Variants in TRAPPC9 observed in about 807,000 individuals in gnomAD.
TRAPPC9 encodes the protein IKK2 binding protein.
Under a neutral mutation model 124.0 loss-of-function variants are expected in TRAPPC9, and 83 were observed. The ratio of observed to expected loss-of-function variants is 0.67; its 90% CI spans 0.56 to 0.80. The LOEUF is 0.80. TRAPPC9 is among the 30% of genes least tolerant of loss of function. The pLI, the probability that TRAPPC9 is intolerant of heterozygous loss-of-function variation, is 0.00. For synonymous variants in TRAPPC9, 638 were observed against 617.5 expected, an observed-to-expected ratio of 1.03 and a Z score of -0.49; for missense variants, 1,302 against 1,508.3, an observed-to-expected ratio of 0.86 and a Z score of 2.27.
chr8:139,964,746 T>C (rs953185224), intron 19 of TRAPPC9, among the ~76,000 whole-genome samples: 10 of 152,158 alleles, frequency 6.6e-5, no homozygotes, highest in Non-Finnish European at 1.2e-4. Context: ...CAACACTGTA[T>C]ACCTTTGAGT....
At chr8:140,325,574 T>A (rs1219784148) in intron 9 of TRAPPC9, among the ~76,000 whole-genome samples, 1 of 152,180 alleles carries the variant, frequency 6.6e-6, no homozygotes, top group Non-Finnish European at 1.5e-5. Context: ...AAGAAAAAAT[T>A]GACAATCTTA....
At chr8:140,020,583 G>A (rs1446617744) in intron 18 of TRAPPC9, among the ~76,000 whole-genome samples, 5 of 152,008 alleles carry the variant, frequency 3.3e-5, no homozygotes. Flanking sequence ...CTATGATGGT[G>A]CCAGTGCATT....
intron 9 of TRAPPC9, among the ~76,000 whole-genome samples, chr8:140,329,314 C>A (rs2066831196): frequency 6.6e-6 from 1 of 152,130 alleles, no homozygotes; most frequent in African/African-American, 2.4e-5. Context: ...GATCACCATA[C>A]GTGAGAGTTA....
rs547329170 is a variant in TRAPPC9, at chr8:139,985,920, T to C, written c.2810+2806A>G. On this transcript the variant is annotated intron_variant, in intron 19 of 22. Transcript: ENST00000438773. ...TGATTTTTAAAGTTTTAAAAGGACA[T>C]ATATGATATGGAACCACTTATGCCA... Among the ~76,000 whole-genome samples the C allele has an allele frequency of 2.6e-5, 4 of 152,308 alleles. No individual in the cohort carries two copies. In the East Asian group the frequency reaches 7.7e-4, roughly 29 times the overall value.
chr8:139,996,910 T>C (rs1032790957), intron 18 of TRAPPC9, among the ~76,000 whole-genome samples: 1 of 152,050 alleles, frequency 6.6e-6, no homozygotes, highest in African/African-American at 2.4e-5. Context: ...AGGCTAAACA[T>C]TTTTTATGGT....
At chr8:140,373,748 T>G (rs2068351636) in intron 7 of TRAPPC9, among the ~76,000 whole-genome samples, 1 of 152,376 alleles carries the variant, frequency 6.6e-6, no homozygotes, top group Non-Finnish European at 1.5e-5. Flanking sequence ...TTGTGGTGGC[T>G]TTAACTTCCA....
chr8:140,018,763 CAT>C (rs552646031), intron 18 of TRAPPC9, among the ~76,000 whole-genome samples: 37 of 152,290 alleles, frequency 2.4e-4, no homozygotes, highest in African/African-American at 8.4e-4. Flanking sequence ...CAAAGAAAGA[CAT>C]GTGAATAATA....
At chr8:140,009,698 G>A (rs901875413) in intron 18 of TRAPPC9, among the ~76,000 whole-genome samples, 98 of 152,298 alleles carry the variant, frequency 6.4e-4, no homozygotes, top group African/African-American at 2.2e-3. Flanking sequence ...TCCCGCCCGT[G>A]GCGCAACAGC....
chr8:139,913,471 T>C (rs1470534136), intron 19 of TRAPPC9, among the ~76,000 whole-genome samples: 1 of 152,224 alleles, frequency 6.6e-6, no homozygotes, highest in Non-Finnish European at 1.5e-5. Flanking sequence ...GTGTTTTGTC[T>C]TGAGCTTTAC....
chr8:140,326,197 T>A (rs1331873448), intron 9 of TRAPPC9, among the ~76,000 whole-genome samples: 2 of 144,562 alleles, frequency 1.4e-5, no homozygotes, highest in Non-Finnish European at 1.5e-5. Flanking sequence ...CCATCCTGGC[T>A]AACACAGTGA....
chr8:140,446,969 CACA>C (rs2071284032), intron 2 of TRAPPC9, among the ~76,000 whole-genome samples: 1 of 152,206 alleles, frequency 6.6e-6, no homozygotes, highest in African/African-American at 2.4e-5. Context: ...TGGCCACCAG[CACA>C]CTCCAGCTCC....
chr8:140,458,327 T>A, upstream of TRAPPC9: 1 of 1,577,690 alleles, frequency 6.3e-7, no homozygotes, highest in Non-Finnish European at 8.6e-7. Context: ...TCTGTGAAGC[T>A]CAGGGGTGGA....
rs1229035692 is a variant in TRAPPC9, at chr8:140,292,356, C to A, written c.1769-1278G>T. ...ATAAATTGGCCCAGGAACCACACAG[C>A]AAGCGAGAGGAGCTGCTGGATTCAG... On this transcript the variant is annotated intron_variant, in intron 11 of 22. Coordinates refer to ENST00000438773, the MANE Select transcript of TRAPPC9 (RefSeq NM_001160372.4). 7.9e-5 allele frequency among the ~76,000 whole-genome samples: 12 copies of A among 152,200 alleles called. No individual in the cohort carries two copies. In the South Asian group the frequency reaches 2.5e-3, roughly 31 times the overall value.
intron 19 of TRAPPC9, among the ~76,000 whole-genome samples, chr8:139,924,073 C>T (rs1194295655): frequency 2.6e-5 from 4 of 152,094 alleles, no homozygotes. Flanking sequence ...TCCCAGGCCC[C>T]AGAGCTCAGT....
rs533538682 is a variant in TRAPPC9, at chr8:140,410,859, A to G, written c.887-5161T>C. ...CTGTCTCAAAAAAAAAAAAAATTAT[A>G]TAGATTTAGAAATATAAAACAGCAA... On this transcript the variant is annotated intron_variant, in intron 5 of 22. Transcript: ENST00000438773. 2.0e-5 allele frequency among the ~76,000 whole-genome samples: 3 copies of G among 151,946 alleles called. No individual in the cohort carries two copies. In the South Asian group the frequency reaches 6.2e-4, roughly 31 times the overall value.
intron 17 of TRAPPC9, among the ~76,000 whole-genome samples, chr8:140,143,487 A>G (rs1033385745): frequency 6.6e-6 from 1 of 152,244 alleles, no homozygotes; most frequent in African/African-American, 2.4e-5. Context: ...TGCGTAACAC[A>G]TGTAACTTGC....
intron 17 of TRAPPC9, among the ~76,000 whole-genome samples, chr8:140,068,134 G>T (rs1038241854): frequency 6.6e-6 from 1 of 152,140 alleles, no homozygotes; most frequent in African/African-American, 2.4e-5. Flanking sequence ...TTACAAGCAA[G>T]GATTATGACG....
At chr8:140,155,181 G>A (rs1430844023) in intron 17 of TRAPPC9, among the ~76,000 whole-genome samples, 1 of 152,182 alleles carries the variant, frequency 6.6e-6, no homozygotes, top group Non-Finnish European at 1.5e-5. Context: ...AAAGGGGTGA[G>A]GAGATCACAA....
At chr8:139,924,548 C>T (rs1832693955) in intron 19 of TRAPPC9, among the ~76,000 whole-genome samples, 1 of 152,228 alleles carries the variant, frequency 6.6e-6, no homozygotes, top group African/African-American at 2.4e-5. Flanking sequence ...CGGGCCCTGG[C>T]ACAATCCTAT....
Sources: allele counts gnomAD v4.1 joint callset (sites outside exome capture counted in the v4.1 genomes callset), GRCh38; gene constraint gnomAD v4.1.1; transcripts MANE v1.5; gene names NCBI Gene and HGNC (gene_info 2026-07-23, HGNC 2026-07-21).